RGL1: variants seen among roughly 807,000 people sequenced by gnomAD.
RGL1 encodes ral guanine nucleotide dissociation stimulator like 1.
Under a neutral mutation model 95.2 loss-of-function variants are expected in RGL1, and 24 were observed. The observed-to-expected ratio is 0.25, with a 90% CI of 0.18 to 0.35. RGL1 has a LOEUF of 0.35. Ranked by LOEUF, RGL1 falls within the 10% of genes least tolerant of loss-of-function variation. The probability of loss-of-function intolerance (pLI) is 1.00; values close to 1 mark genes in which losing one functional copy is unlikely to be tolerated. For missense variants in RGL1, 715 were observed against 936.3 expected (o/e 0.76, Z 3.08); for synonymous variants, 329 against 344.9 (o/e 0.95, Z 0.51).
At chr1:183,693,217 G>A (rs1654063769) in intron 1 of RGL1, among the ~76,000 whole-genome samples, 1 of 152,144 alleles carries the variant, frequency 6.6e-6, no homozygotes, top group African/African-American at 2.4e-5. Flanking sequence ...GCCTCCCAAA[G>A]TGCTGGGATT....
intron 2 of RGL1, among the ~76,000 whole-genome samples, chr1:183,744,761 A>G (rs1657519682): frequency 6.6e-6 from 1 of 152,028 alleles, no homozygotes; most frequent in African/African-American, 2.4e-5. Context: ...ACTGCTGTTT[A>G]TATTATTTTA....
chr1:183,743,214 A>G (rs1558183428), intron 2 of RGL1, among the ~76,000 whole-genome samples: 1 of 152,012 alleles, frequency 6.6e-6, no homozygotes. Context: ...GACTCTCGCT[A>G]TGTTGCCCAG....
At chr1:183,849,386 C>T (rs79622313) in intron 3 of RGL1, among the ~76,000 whole-genome samples, 10,344 of 151,344 alleles carry the variant, frequency 0.068, 389 homozygotes, top group South Asian at 0.092. Flanking sequence ...AAAACCAGCA[C>T]GTGTAGATGA....
At chr1:183,905,784 G>T (rs1187314974) in intron 13 of RGL1, among the ~76,000 whole-genome samples, 1 of 151,982 alleles carries the variant, frequency 6.6e-6, no homozygotes, top group African/African-American at 2.4e-5. Context: ...CCCACTGCCT[G>T]TTTTTACATT....
At chr1:183,692,111 A>G (rs116814319) in intron 1 of RGL1, among the ~76,000 whole-genome samples, 45 of 151,814 alleles carry the variant, frequency 3.0e-4, no homozygotes, top group African/African-American at 1.0e-3. Flanking sequence ...TTAATATCTT[A>G]TATTTTCTAT....
At chr1:183,786,397 CTAAA>C (rs1457669482) in intron 2 of RGL1, among the ~76,000 whole-genome samples, 1 of 152,116 alleles carries the variant, frequency 6.6e-6, no homozygotes, top group Non-Finnish European at 1.5e-5. Flanking sequence ...AATCCTGTCT[CTAAA>C]CAAACAAACA....
chr1:183,923,853 C>T (rs1274876854), intron 17 of RGL1, among the ~76,000 whole-genome samples: 1 of 152,198 alleles, frequency 6.6e-6, no homozygotes, highest in Non-Finnish European at 1.5e-5. Flanking sequence ...TTGGAACCTG[C>T]TCATATCAGT....
chr1:183,652,929 T>G (rs1347007198), intron 1 of RGL1: 2 of 152,232 alleles, frequency 1.3e-5, no homozygotes, highest in South Asian at 4.1e-4. Flanking sequence ...AAGGACAATC[T>G]GCTCTCATTT....
Position 183,681,475 on chromosome 1 carries a change from G to A in RGL1, c.-33+44974G>A, listed in dbSNP as rs537849217. 2.6e-4 allele frequency among the ~76,000 whole-genome samples: 39 copies of A among 152,218 alleles called. 1 individual carries two copies. In the South Asian group the frequency reaches 8.1e-3, roughly 32 times the overall value. On this transcript the variant is annotated intron_variant, in intron 1 of 18. Coordinates refer to the RGL1 transcript ENST00000304685. Reference sequence around the variant, plus strand: ...TGGTTCTGTTTATGTGGTGGCTTACGCTTATTAATTTGCATATGTTGAGCC... The same window carrying A: ...TGGTTCTGTTTATGTGGTGGCTTACACTTATTAATTTGCATATGTTGAGCC...
At chr1:183,677,790 A>G (rs891891290) in intron 1 of RGL1, among the ~76,000 whole-genome samples, 4 of 152,140 alleles carry the variant, frequency 2.6e-5, no homozygotes, top group African/African-American at 9.7e-5. Context: ...GTTAGGTGTT[A>G]TCTCCATTTT....
chr1:183,744,405 G>A (rs1286645949), intron 2 of RGL1, among the ~76,000 whole-genome samples: 4 of 151,516 alleles, frequency 2.6e-5, no homozygotes, highest in African/African-American at 9.8e-5. Flanking sequence ...GATGAGATGA[G>A]TGTTGTGCTG....
At chr1:183,890,898 G>A (rs1415925484) in intron 8 of RGL1, among the ~76,000 whole-genome samples, 1 of 152,048 alleles carries the variant, frequency 6.6e-6, no homozygotes, top group Non-Finnish European at 1.5e-5. Context: ...TTATGGGGAT[G>A]ACTGCACAAC....
chr1:183,813,273 T>C (rs1358543939), intron 2 of RGL1, among the ~76,000 whole-genome samples: 1 of 152,228 alleles, frequency 6.6e-6, no homozygotes, highest in Non-Finnish European at 1.5e-5. Context: ...GGAGTCAGTG[T>C]TGTCCTCTTC....
intron 1 of RGL1, among the ~76,000 whole-genome samples, chr1:183,730,432 T>C (rs181065220): frequency 1.3e-5 from 2 of 152,146 alleles, no homozygotes; most frequent in African/African-American, 4.8e-5. Context: ...CTCCCCTCTC[T>C]GAGATAATGG....
intron 2 of RGL1, among the ~76,000 whole-genome samples, chr1:183,828,970 T>C (rs1182157325): frequency 6.6e-6 from 1 of 152,212 alleles, no homozygotes; most frequent in African/African-American, 2.4e-5. Context: ...ACTTCAGTCA[T>C]GGTTTATTTC....
At chr1:183,743,862 C>T (rs1657462310) in intron 2 of RGL1, among the ~76,000 whole-genome samples, 1 of 152,094 alleles carries the variant, frequency 6.6e-6, no homozygotes, top group South Asian at 2.1e-4. Flanking sequence ...CAGAAATTGA[C>T]TAAATTAAGG....
At chr1:183,645,376 C>T (rs377253560) in intron 1 of RGL1, among the ~76,000 whole-genome samples, 1 of 152,204 alleles carries the variant, frequency 6.6e-6, no homozygotes, top group East Asian at 1.9e-4. Context: ...AACCCTGGAC[C>T]TTGGTAGATT....
chr1:183,661,595 C>T (rs1651632676), intron 1 of RGL1, among the ~76,000 whole-genome samples: 1 of 151,412 alleles, frequency 6.6e-6, no homozygotes, highest in African/African-American at 2.5e-5. Flanking sequence ...GAGTCCAGGA[C>T]CAGATGGATT....
chr1:183,880,916 A>G, intron 5 of RGL1, 116 bp downstream of exon 5: 2 of 860,428 alleles, frequency 2.3e-6, no homozygotes, highest in Non-Finnish European at 3.5e-6. Flanking sequence ...TCAAAACAAC[A>G]TGCTGCTGGA....
Sources: allele counts gnomAD v4.1 joint callset (sites outside exome capture counted in the v4.1 genomes callset), GRCh38; gene constraint gnomAD v4.1.1; transcripts MANE v1.5; gene names NCBI Gene and HGNC (gene_info 2026-07-23, HGNC 2026-07-21).